Variants in AKAP19 observed in about 807,000 individuals in gnomAD.
AKAP19 encodes A-kinase anchoring protein 19, also known as small A-kinase anchoring protein.
the AKAP19 span, among the ~76,000 whole-genome samples, chr2:190,095,762 G>A: frequency 6.6e-6 from 1 of 152,176 alleles, no homozygotes; most frequent in African/African-American, 2.4e-5. Flanking sequence ...GTCTTATAGT[G>A]TATTATATAT....
chr2:190,058,943 T>C, the AKAP19 span, among the ~76,000 whole-genome samples: 1 of 151,848 alleles, frequency 6.6e-6, no homozygotes, highest in African/African-American at 2.4e-5. Context: ...AATTCATCTA[T>C]GTAGCCAGAA....
At chr2:189,982,720 T>G in the AKAP19 span, among the ~76,000 whole-genome samples, 5 of 151,870 alleles carry the variant, frequency 3.3e-5, no homozygotes, top group African/African-American at 9.7e-5. Flanking sequence ...ATGACTGTAG[T>G]TTATGTTGTA....
the AKAP19 span, among the ~76,000 whole-genome samples, chr2:190,189,130 T>G: frequency 1.3e-5 from 2 of 152,156 alleles, no homozygotes; most frequent in East Asian, 3.8e-4. Context: ...TTCTTGCTGA[T>G]AGCCCAGAGA....
the AKAP19 span, among the ~76,000 whole-genome samples, chr2:189,947,524 A>G: frequency 4.6e-5 from 7 of 152,152 alleles, no homozygotes; most frequent in African/African-American, 1.7e-4. Context: ...AGAAAGATGC[A>G]GGTTTGAATC....
At chr2:190,121,657 A>G in the AKAP19 span, among the ~76,000 whole-genome samples, 4 of 152,226 alleles carry the variant, frequency 2.6e-5, no homozygotes, top group African/African-American at 9.6e-5. Context: ...GGATTAAGGA[A>G]TTAATATTAC....
chr2:189,948,575 C>T, the AKAP19 span, among the ~76,000 whole-genome samples: 1 of 152,208 alleles, frequency 6.6e-6, no homozygotes, highest in Non-Finnish European at 1.5e-5. Context: ...CATCCACCCC[C>T]ATAAACATGG....
the AKAP19 span, among the ~76,000 whole-genome samples, chr2:190,107,744 G>A: frequency 6.6e-6 from 1 of 152,140 alleles, no homozygotes; most frequent in Non-Finnish European, 1.5e-5. Context: ...TTGGTATTCT[G>A]TGCAAAGAAA....
chr2:190,182,039 C>T, the AKAP19 span, among the ~76,000 whole-genome samples: 1 of 152,202 alleles, frequency 6.6e-6, no homozygotes. Context: ...TTTAGGTCCA[C>T]ACAATGTTGT....
chr2:190,042,627 C>A, the AKAP19 span, among the ~76,000 whole-genome samples: 1 of 152,042 alleles, frequency 6.6e-6, no homozygotes, highest in South Asian at 2.1e-4. Context: ...TGAGACCTTT[C>A]TTACTTTTTG....
chr2:190,107,292 A>G, the AKAP19 span, among the ~76,000 whole-genome samples: 2 of 152,234 alleles, frequency 1.3e-5, no homozygotes, highest in Non-Finnish European at 2.9e-5. Context: ...AAAATGGGAA[A>G]AATAATACTC....
At chr2:190,146,955 G>A in the AKAP19 span, among the ~76,000 whole-genome samples, 1 of 152,118 alleles carries the variant, frequency 6.6e-6, no homozygotes, top group Non-Finnish European at 1.5e-5. Flanking sequence ...TGGGTTCTCT[G>A]TTTACTCTGC....
chr2:189,958,494 A>G, the AKAP19 span, among the ~76,000 whole-genome samples: 2 of 146,250 alleles, frequency 1.4e-5, no homozygotes, highest in East Asian at 3.9e-4. Context: ...ATTAAGTAAT[A>G]TTTAATTAAA....
chr2:189,884,395 C>T, the AKAP19 span, among the ~76,000 whole-genome samples: 2 of 152,088 alleles, frequency 1.3e-5, no homozygotes, highest in Admixed American at 6.5e-5. Context: ...TTACTAAATA[C>T]GTATGATACT....
At chr2:190,063,867 A>G in the AKAP19 span, among the ~76,000 whole-genome samples, 1 of 152,142 alleles carries the variant, frequency 6.6e-6, no homozygotes, top group African/African-American at 2.4e-5. Context: ...TGGGAGCCAC[A>G]AGATCTAGTC....
At chr2:189,996,850 G>C in the AKAP19 span, among the ~76,000 whole-genome samples, 1 of 152,176 alleles carries the variant, frequency 6.6e-6, no homozygotes, top group African/African-American at 2.4e-5. Flanking sequence ...GGACTGCACT[G>C]TTTGTTCTTG....
the AKAP19 span, among the ~76,000 whole-genome samples, chr2:190,156,942 T>G: frequency 0.56 from 84,684 of 152,048 alleles, 24,077 homozygotes; most frequent in Middle Eastern, 0.68. Flanking sequence ...ACATTTATGT[T>G]TATTGCATCA....
the AKAP19 span, among the ~76,000 whole-genome samples, chr2:189,929,619 T>C: frequency 6.6e-6 from 1 of 152,138 alleles, no homozygotes; most frequent in Non-Finnish European, 1.5e-5. Context: ...GGATATCACT[T>C]TGAATTCTGC....
At chr2:190,122,041 A>G in the AKAP19 span, among the ~76,000 whole-genome samples, 1 of 152,212 alleles carries the variant, frequency 6.6e-6, no homozygotes, top group African/African-American at 2.4e-5. Context: ...TGATTGATAA[A>G]CTGAGTATGG....
the AKAP19 span, among the ~76,000 whole-genome samples, chr2:189,975,247 T>A: frequency 6.6e-6 from 1 of 152,208 alleles, no homozygotes; most frequent in African/African-American, 2.4e-5. Flanking sequence ...TGAAGCTTAG[T>A]TTGGCTGGAT....
Sources: gnomAD v4.1 joint callset for allele counts (sites outside exome capture counted in the v4.1 genomes callset) on GRCh38, gnomAD v4.1.1 for gene constraint, MANE v1.5 for transcripts, NCBI Gene and HGNC (gene_info 2026-07-23, HGNC 2026-07-21) for gene names.